The following INSL6 variants were observed in gnomAD, a reference collection of about 807,000 sequenced individuals.
The protein encoded by INSL6 is insulin-like peptide INSL6.
INSL6 carries 16 observed loss-of-function variants against 9.4 expected under a neutral mutation model. The ratio of observed to expected loss-of-function variants is 1.70; its 90% CI spans 1.15 to 2.59. INSL6 has a LOEUF of 2.59. Ranked by LOEUF, INSL6 falls within the 30% of genes most tolerant of loss-of-function variation. The pLI, the probability that INSL6 is intolerant of heterozygous loss-of-function variation, is 0.00. For synonymous variants in INSL6, 154 were observed against 96.9 expected, an observed-to-expected ratio of 1.59 and a Z score of -3.46; for missense variants, 391 against 257.3, an observed-to-expected ratio of 1.52 and a Z score of -3.56.
chr9:5,151,759 A>G (rs2130895487), intron 2 of INSL6, among the ~76,000 whole-genome samples: 1 of 152,232 alleles, frequency 6.6e-6, no homozygotes, highest in East Asian at 1.9e-4. Context: ...GGAACACATA[A>G]AAAAGCAAGA....
At chr9:5,139,788 TACA>T (rs1236867019) in intron 2 of INSL6, among the ~76,000 whole-genome samples, 1 of 152,206 alleles carries the variant, frequency 6.6e-6, no homozygotes, top group Non-Finnish European at 1.5e-5. Flanking sequence ...GTGCTCATTA[TACA>T]ACAACATGCT....
chr9:5,061,405 A>C, the INSL6 span, among the ~76,000 whole-genome samples: 38,346 of 152,072 alleles, frequency 0.25, 5,032 homozygotes, highest in South Asian at 0.31. Flanking sequence ...AATGGTCCTT[A>C]CTAGATCTTC....
intron 3 of INSL6, among the ~76,000 whole-genome samples, chr9:5,129,328 C>T (rs545808086): frequency 8.5e-5 from 13 of 152,102 alleles, no homozygotes; most frequent in African/African-American, 2.4e-4. Flanking sequence ...ACCAAGGAAA[C>T]GGGCCACACA....
chr9:5,017,935 C>T, the INSL6 span, among the ~76,000 whole-genome samples: 1 of 152,122 alleles, frequency 6.6e-6, no homozygotes, highest in Admixed American at 6.6e-5. Flanking sequence ...ATCTGATATA[C>T]CTTTGCATGG....
At chr9:5,044,879 T>A in the INSL6 span, among the ~76,000 whole-genome samples, 40 of 152,278 alleles carry the variant, frequency 2.6e-4, 1 homozygote, top group African/African-American at 8.9e-4. Flanking sequence ...TTTAAAAAAA[T>A]TTTTGGACAA....
the INSL6 span, chr9:5,112,420 C>G: frequency 2.0e-6 from 1 of 488,094 alleles, no homozygotes; most frequent in African/African-American, 2.0e-5. Flanking sequence ...GAGAACACGT[C>G]GGCGGCTGAC....
the INSL6 span, chr9:5,054,987 A>G: frequency 1.2e-6 from 1 of 811,986 alleles, no homozygotes; most frequent in African/African-American, 1.7e-5. This position sits in a 1 kb window ranked among gnomAD's most constrained non-coding sequence, Gnocchi z 4.9. Flanking sequence ...CACTTCTCCC[A>G]TTTGATAGAA....
chr9:5,145,869 C>T (rs879856501), intron 2 of INSL6, among the ~76,000 whole-genome samples: 2 of 152,230 alleles, frequency 1.3e-5, no homozygotes, highest in Admixed American at 1.3e-4. Flanking sequence ...TTTTTAGCTT[C>T]CTTGCATTGG....
chr9:5,021,834 T>C, the INSL6 span: 1 of 601,300 alleles, frequency 1.7e-6, no homozygotes. Flanking sequence ...GGTTTCACCA[T>C]GTTGCTGAGG....
In INSL6 at chr9:5,155,862, T is replaced by G. The variant is rs184082507; in HGVS notation, c.376+8317A>C. On this transcript the variant is annotated intron_variant, in intron 2 of 3. Coordinates refer to the INSL6 transcript ENST00000649639. ...GCAGCAAACCACCATGGCACGTGTA[T>G]ACCAATGTAACAAACCTGCATGTTC... 1.4e-4 allele frequency among the ~76,000 whole-genome samples: 22 copies of G among 152,014 alleles called. No homozygotes were observed. In the East Asian group the frequency reaches 4.2e-3, roughly 29 times the overall value.
At chr9:5,171,663 G>C (rs931660228) in intron 1 of INSL6, among the ~76,000 whole-genome samples, 1 of 152,124 alleles carries the variant, frequency 6.6e-6, no homozygotes, top group Non-Finnish European at 1.5e-5. Flanking sequence ...CAAAATCAAC[G>C]TGCAAAGGTC....
the INSL6 span, chr9:5,050,706 C>T: frequency 0.31 from 500,274 of 1,611,558 alleles, 79,438 homozygotes; most frequent in African/African-American, 0.47. Context: ...ATTTTGTGCA[C>T]GGATGGATAA....
the INSL6 span, chr9:5,098,826 T>G: frequency 1.4e-5 from 2 of 147,570 alleles, no homozygotes; most frequent in African/African-American, 5.4e-5. Context: ...CCCGAGTAGC[T>G]GGGACTACAG....
chr9:5,185,490 A>G lies in INSL6; in HGVS notation c.113T>C (p.Val38Ala). 6.2e-7 allele frequency: 1 copy of G among 1,614,032 alleles called. No homozygotes were observed. The highest frequency in any genetic ancestry group is 8.5e-7 in the Non-Finnish European group (1 of 1,180,004). Residue 38 changes from valine to alanine, a missense_variant, in exon 1 of 2, where the codon GTG becomes GCG. Coordinates refer to ENST00000381641, the MANE Select transcript of INSL6 (RefSeq NM_007179.3). The part of the protein sequence containing the change: ...SARKLCGRYL[V>A]KEIEKLCGHA... ...GCCGCAGAGTTTTTCTATTTCTTTC[A>G]CCAAGTACCTGCCGCACAGCTTCCT...
At chr9:5,085,336 A>G in the INSL6 span, 3 of 865,488 alleles carry the variant, frequency 3.5e-6, no homozygotes, top group Non-Finnish European at 5.9e-6. Flanking sequence ...CTGAAAAGCT[A>G]TTCCTACATT....
chr9:5,020,805 G>T, the INSL6 span, among the ~76,000 whole-genome samples: 1 of 152,182 alleles, frequency 6.6e-6, no homozygotes, highest in East Asian at 1.9e-4. Context: ...CAATGGAGGT[G>T]ACTGTCGGTG....
chr9:5,165,255 C>G (rs1825025444), intron 1 of INSL6, among the ~76,000 whole-genome samples: 2 of 152,140 alleles, frequency 1.3e-5, no homozygotes, highest in Non-Finnish European at 2.9e-5. Context: ...CATTCACACA[C>G]AAGTTTTTGT....
chr9:5,159,211 G>A (rs1209389985), downstream of INSL6, among the ~76,000 whole-genome samples: 1 of 151,974 alleles, frequency 6.6e-6, no homozygotes, highest in Non-Finnish European at 1.5e-5. Flanking sequence ...CTAAAAGGAA[G>A]ACAGGAAGAA....
intron 2 of INSL6, among the ~76,000 whole-genome samples, chr9:5,153,755 C>T (rs1298919799): frequency 6.6e-6 from 1 of 152,170 alleles, no homozygotes; most frequent in Non-Finnish European, 1.5e-5. Context: ...CCTAGGAATA[C>T]AACTTACGAG....
Sources: allele counts gnomAD v4.1 joint callset (sites outside exome capture counted in the v4.1 genomes callset), GRCh38; gene constraint gnomAD v4.1.1; non-coding constraint Gnocchi (gnomAD v3.1); transcripts MANE v1.5; gene names NCBI Gene and HGNC (gene_info 2026-07-23, HGNC 2026-07-21).